COBL: variants seen among roughly 807,000 people sequenced by gnomAD.
COBL encodes protein cordon-bleu.
COBL carries 51 observed loss-of-function variants against 98.8 expected under a neutral mutation model. The ratio of observed to expected loss-of-function variants is 0.52; its 90% CI spans 0.41 to 0.65. The LOEUF (loss-of-function observed/expected upper bound fraction) is 0.65, where lower values mean the gene tolerates loss of function less well. Among genes scored for constraint, COBL ranks in the 30% least tolerant of loss-of-function variants. The pLI, the probability that COBL is intolerant of heterozygous loss-of-function variation, is 0.00. For synonymous variants in COBL, 634 were observed against 651.7 expected (o/e 0.97, Z 0.41); for missense variants, 1,617 against 1,617.5 (o/e 1.00, Z 0.01).
chr7:51,041,478 CTTTT>C (rs773830122), intron 8 of COBL, among the ~76,000 whole-genome samples: 3 of 80,040 alleles, frequency 3.7e-5, no homozygotes, highest in East Asian at 4.1e-4. Flanking sequence ...TATTTCTTTC[CTTTT>C]TTTTTTTTTT....
intron 7 of COBL, among the ~76,000 whole-genome samples, chr7:51,055,969 T>G (rs1439851662): frequency 3.9e-5 from 6 of 152,198 alleles, no homozygotes; most frequent in Non-Finnish European, 8.8e-5. Flanking sequence ...ATTAGCAGAT[T>G]CCATTTCCCA....
intron 6 of COBL, among the ~76,000 whole-genome samples, chr7:51,116,696 A>G (rs907151630): frequency 6.6e-6 from 1 of 152,188 alleles, no homozygotes; most frequent in Admixed American, 6.5e-5. Context: ...TTTCCATCTG[A>G]TATCATTTAT....
chr7:51,259,454 T>A, intron 1 of COBL: 1 of 529,702 alleles, frequency 1.9e-6, no homozygotes, highest in East Asian at 3.7e-5. Context: ...GATGAGCTGA[T>A]TGATGTGTTC....
chr7:51,283,627 T>C (rs187342804), intron 1 of COBL, among the ~76,000 whole-genome samples: 30 of 152,022 alleles, frequency 2.0e-4, no homozygotes, highest in Admixed American at 1.9e-3. Context: ...TGGGATTACA[T>C]GTGCGCACCA....
In COBL at chr7:51,053,634, C is replaced by T. The variant is rs1446679266; in HGVS notation, c.1097-9942G>A. On this transcript the variant is annotated intron_variant, in intron 7 of 12. Coordinates refer to ENST00000265136, the MANE Select transcript of COBL (RefSeq NM_015198.5). ...CTTTCTATAACTCAGAGAAGATGTC[C>T]GGGTGTGCTGTAATGCCACCCTGTA... 2.0e-5 allele frequency among the ~76,000 whole-genome samples: 3 copies of T among 152,228 alleles called. 1 individual carries two copies. Among genetic ancestry groups the T allele is most frequent in the Admixed American group, 6.5e-5 (1 of 15,288 alleles).
At chr7:51,257,536 G>A (rs942295955) in intron 1 of COBL, among the ~76,000 whole-genome samples, 1 of 152,068 alleles carries the variant, frequency 6.6e-6, no homozygotes, top group Non-Finnish European at 1.5e-5. Flanking sequence ...AATATGCAAA[G>A]GTTCATTCTG....
chr7:51,065,082 A>C (rs1228498532), intron 7 of COBL: 18 of 658,258 alleles, frequency 2.7e-5, no homozygotes, highest in Non-Finnish European at 8.3e-6. Context: ...CGGTCCATAG[A>C]AAACACCTTC....
At chr7:51,053,702 C>T (rs1019548673) in intron 7 of COBL, among the ~76,000 whole-genome samples, 1 of 152,222 alleles carries the variant, frequency 6.6e-6, no homozygotes, top group Non-Finnish European at 1.5e-5. Flanking sequence ...CTCGCCTGCC[C>T]CTGAGAGGTG....
intron 8 of COBL, 83 bp downstream of exon 8, chr7:51,043,300 T>TGATGTCA: frequency 7.3e-7 from 1 of 1,378,254 alleles, no homozygotes; most frequent in Non-Finnish European, 1.0e-6. Context: ...ATAGCACGTG[T>TGATGTCA]TGGATCCCAT....
chr7:51,087,758 G>A (rs1448390373), intron 6 of COBL, among the ~76,000 whole-genome samples: 1 of 148,302 alleles, frequency 6.7e-6, no homozygotes, highest in Non-Finnish European at 1.5e-5. Flanking sequence ...ACAGGTATGA[G>A]CCACTGTGCC....
In COBL at chr7:51,225,083, T is replaced by C. The variant is rs548302345; in HGVS notation, c.42-5139A>G. Among the ~76,000 whole-genome samples the C allele has an allele frequency of 6.6e-5, 10 of 152,346 alleles. No homozygotes were observed. The East Asian group carries it at 1.9e-3, about 29-fold the overall frequency. ...CCAGGCTTGTTCCCCATTGTCTGTT[T>C]CGTGCTTTCAGTGTGGCTTCTGTTA... On this transcript the variant is annotated intron_variant, in intron 1 of 12. Transcript: ENST00000265136.
At position 51,271,561 on chromosome 7, in the gene COBL, A is replaced by G. The variant is rs531576787; in HGVS notation, c.41+45032T>C. On this transcript the variant is annotated intron_variant, in intron 1 of 12. Transcript: ENST00000265136. ...ATGAGTCTCATGAAACCTACATTAA[A>G]TATTTAAGAAAAACAAAGGTGAGCT... Among the ~76,000 whole-genome samples, 205 of 152,368 alleles carry G rather than the reference A, an allele frequency of 1.3e-3. 2 individuals carry two copies. The highest frequency in any genetic ancestry group is 4.7e-3 in the African/African-American group (195 of 41,586).
intron 1 of COBL, among the ~76,000 whole-genome samples, chr7:51,258,808 C>G (rs1455512347): frequency 6.6e-6 from 1 of 152,060 alleles, no homozygotes. Context: ...TAATATTATT[C>G]CTTCCCCATT....
At chr7:51,205,473 T>C (rs1791580011) in intron 2 of COBL, among the ~76,000 whole-genome samples, 3 of 150,904 alleles carry the variant, frequency 2.0e-5, no homozygotes, top group Admixed American at 6.6e-5. Flanking sequence ...TGCAGAAAAA[T>C]GAAATCTGAC....
chr7:51,224,379 G>GAAT (rs10622550), intron 1 of COBL, among the ~76,000 whole-genome samples: 152,258 of 152,262 alleles, frequency 1, 76,127 homozygotes, highest in Middle Eastern at 1. Context: ...AGAGATTGCA[G>GAAT]AATAAATGTT....
intron 2 of COBL, among the ~76,000 whole-genome samples, chr7:51,218,036 C>A (rs1056784166): frequency 1.3e-5 from 2 of 152,350 alleles, no homozygotes; most frequent in Non-Finnish European, 2.9e-5. Context: ...AGGGCCCCCA[C>A]TGAGGAGCAA....
At chr7:51,215,783 G>A (rs1342707829) in intron 2 of COBL, among the ~76,000 whole-genome samples, 1 of 152,214 alleles carries the variant, frequency 6.6e-6, no homozygotes, top group Non-Finnish European at 1.5e-5. Context: ...GGCTGTACAT[G>A]TGCTCCATCA....
chr7:51,271,089 G>T (rs1206446508), intron 1 of COBL, among the ~76,000 whole-genome samples: 1 of 152,206 alleles, frequency 6.6e-6, no homozygotes, highest in Admixed American at 6.5e-5. Flanking sequence ...CGCCAGGCCT[G>T]GTGTATCTCC....
At chr7:51,236,041 C>CACACCAA (rs1219160214) in intron 1 of COBL, among the ~76,000 whole-genome samples, 2 of 152,192 alleles carry the variant, frequency 1.3e-5, no homozygotes, top group Non-Finnish European at 2.9e-5. Flanking sequence ...TCCCCTTTTA[C>CACACCAA]GTAAGCAGGG....
Sources: gnomAD v4.1 joint callset for allele counts (sites outside exome capture counted in the v4.1 genomes callset) on GRCh38, gnomAD v4.1.1 for gene constraint, MANE v1.5 for transcripts, NCBI Gene and HGNC (gene_info 2026-07-23, HGNC 2026-07-21) for gene names.